KIAA1217: variants seen among roughly 807,000 people sequenced by gnomAD.
The protein encoded by KIAA1217 is sickle tail protein homolog.
Under a neutral mutation model 163.9 loss-of-function variants are expected in KIAA1217, and 88 were observed. The observed-to-expected ratio is 0.54, with a 90% CI of 0.45 to 0.64. KIAA1217 has a LOEUF of 0.64. KIAA1217 is among the 30% of genes least tolerant of loss of function. The pLI is 0.00. For synonymous variants in KIAA1217, 903 were observed against 923.1 expected (o/e 0.98, Z 0.39); for missense variants, 2,372 against 2,475.0 (o/e 0.96, Z 0.88).
chr10:23,753,118 C>T (rs1439744447), intron 1 of KIAA1217, among the ~76,000 whole-genome samples: 1 of 152,134 alleles, frequency 6.6e-6, no homozygotes, highest in Non-Finnish European at 1.5e-5. Context: ...GTATAGAAAG[C>T]ATTCTGTGCC....
intron 2 of KIAA1217, among the ~76,000 whole-genome samples, chr10:24,336,052 C>T (rs1353074851): frequency 6.6e-6 from 1 of 152,168 alleles, no homozygotes; most frequent in African/African-American, 2.4e-5. Context: ...ACCAGCCTGG[C>T]CAACATGGTG....
chr10:24,161,340 A>G (rs1444329277), intron 2 of KIAA1217, among the ~76,000 whole-genome samples: 1 of 152,216 alleles, frequency 6.6e-6, no homozygotes, highest in Non-Finnish European at 1.5e-5. Flanking sequence ...GGTTTCAGGC[A>G]TTGTGGGAAG....
intron 3 of KIAA1217, among the ~76,000 whole-genome samples, chr10:24,387,014 G>A (rs2054103786): frequency 6.6e-6 from 1 of 152,232 alleles, no homozygotes; most frequent in Non-Finnish European, 1.5e-5. Flanking sequence ...ATTCGCAGAA[G>A]GGAGTTTCAT....
chr10:24,337,638 TTCTTTTCTTTTC>T (rs1226502566), intron 2 of KIAA1217, among the ~76,000 whole-genome samples: 11 of 64,472 alleles, frequency 1.7e-4, no homozygotes, highest in East Asian at 6.8e-4. Flanking sequence ...TTCTTTTCTT[TTCTTTTCTTTTC>T]TTTTTTTTTT....
chr10:24,356,091 C>T (rs1240558311), intron 2 of KIAA1217, among the ~76,000 whole-genome samples: 2 of 152,064 alleles, frequency 1.3e-5, no homozygotes, highest in Non-Finnish European at 2.9e-5. Context: ...AGGGTCTCTT[C>T]TCTTTCTTTT....
At chr10:24,452,501 G>A (rs1374528513) in intron 5 of KIAA1217, among the ~76,000 whole-genome samples, 16 of 148,940 alleles carry the variant, frequency 1.1e-4, no homozygotes, top group African/African-American at 3.2e-4. Flanking sequence ...GTGAAACCCC[G>A]TCTCTACTTA....
chr10:24,525,413 C>T (rs1049217673), intron 13 of KIAA1217, among the ~76,000 whole-genome samples: 1 of 152,064 alleles, frequency 6.6e-6, no homozygotes, highest in African/African-American at 2.4e-5. Flanking sequence ...GGAACAAGAA[C>T]GAGGACCTAA....
chr10:23,751,382 T>C (rs1839730300), intron 1 of KIAA1217, among the ~76,000 whole-genome samples: 1 of 152,190 alleles, frequency 6.6e-6, no homozygotes, highest in African/African-American at 2.4e-5. Flanking sequence ...AAATGTGTTG[T>C]CTAGAAAGTT....
At chr10:24,331,945 G>A (rs1056457900) in intron 2 of KIAA1217, among the ~76,000 whole-genome samples, 3 of 152,060 alleles carry the variant, frequency 2.0e-5, no homozygotes, top group Non-Finnish European at 2.9e-5. Flanking sequence ...GATTACAGGC[G>A]CGTGCCACCA....
chr10:23,815,209 C>A (rs1588876704), intron 1 of KIAA1217, among the ~76,000 whole-genome samples: 1 of 151,834 alleles, frequency 6.6e-6, no homozygotes, highest in Admixed American at 6.6e-5. Context: ...TTTGTAACAT[C>A]TTACAGCTAG....
chr10:23,917,861 G>A (rs1456908558), intron 1 of KIAA1217, among the ~76,000 whole-genome samples: 1 of 152,182 alleles, frequency 6.6e-6, no homozygotes, highest in Non-Finnish European at 1.5e-5. Context: ...ATTTAGAGAG[G>A]TATGATCACT....
intron 2 of KIAA1217, among the ~76,000 whole-genome samples, chr10:24,013,757 A>T (rs187215282): frequency 6.6e-6 from 1 of 152,250 alleles, no homozygotes; most frequent in Non-Finnish European, 1.5e-5. Flanking sequence ...AAAGAATGGG[A>T]CGCTGATTCT....
At position 24,524,443 on chromosome 10, in the gene KIAA1217, C is replaced by T. The variant is rs1019400554; in HGVS notation, c.2577C>T (p.Ser859=). 28 of 1,614,096 alleles carry T rather than the reference C, an allele frequency of 1.7e-5. No homozygotes were observed. The East Asian group carries it at 3.1e-4, about 18-fold the overall frequency. The change falls in exon 13 of 21, where the codon TCC becomes TCT. Residue 859 remains serine (S), a synonymous_variant. Coordinates refer to ENST00000376454, the MANE Select transcript of KIAA1217 (RefSeq NM_019590.5). ...LKSQEEAAHT[S]GQPFHSTGAP... Reference sequence around the variant, plus strand: ...GTCAGGAGGAGGCAGCCCACACCTCCGGCCAGCCCTTCCACAGCACAGGTG... The same window carrying T: ...GTCAGGAGGAGGCAGCCCACACCTCTGGCCAGCCCTTCCACAGCACAGGTG...
At chr10:24,333,264 A>G (rs1591044393) in intron 2 of KIAA1217, among the ~76,000 whole-genome samples, 1 of 152,198 alleles carries the variant, frequency 6.6e-6, no homozygotes, top group East Asian at 1.9e-4. Flanking sequence ...ACCTCAAGTG[A>G]TCTGCCCACC....
intron 3 of KIAA1217, among the ~76,000 whole-genome samples, chr10:24,422,617 G>T (rs1352262080): frequency 1.3e-5 from 2 of 152,190 alleles, no homozygotes; most frequent in Non-Finnish European, 2.9e-5. Flanking sequence ...CACAGCACTG[G>T]AAATCAGCAT....
intron 2 of KIAA1217, among the ~76,000 whole-genome samples, chr10:24,268,877 C>T (rs1340320489): frequency 7.1e-6 from 1 of 140,148 alleles, no homozygotes; most frequent in Non-Finnish European, 1.5e-5. Context: ...TACTATGCAG[C>T]CATAAAAAAT....
intron 2 of KIAA1217, among the ~76,000 whole-genome samples, chr10:24,226,608 C>T (rs1286910575): frequency 6.6e-6 from 1 of 151,812 alleles, no homozygotes. Context: ...CACCACTGCA[C>T]TCCAGCCTGG....
In KIAA1217 at chr10:24,543,449, G is replaced by A. The variant is rs772278250; in HGVS notation, c.4179G>A (p.Gln1393=). ...TCATGATTACCGAAACCACTGTCCA[G>A]GTTCTTTCCAGTGGGGAGGTGCATG... The part of the protein sequence containing the change: ...IAFMITETTV[Q]VLSSGEVHDI... The change falls in exon 19 of 21, where the codon CAG becomes CAA. Residue 1393 remains glutamine, a synonymous_variant. Transcript: ENST00000376454. 1 of 1,614,126 alleles carries A rather than the reference G, an allele frequency of 6.2e-7. No homozygotes were observed. The highest frequency in any genetic ancestry group is 1.7e-5 in the Admixed American group (1 of 60,014).
chr10:24,031,674 T>C (rs1848191317), intron 2 of KIAA1217, among the ~76,000 whole-genome samples: 2 of 151,996 alleles, frequency 1.3e-5, no homozygotes, highest in Non-Finnish European at 2.9e-5. Flanking sequence ...CAAAAAGCCA[T>C]TTCTTAATTT....
Sources: gnomAD v4.1 joint callset for allele counts (sites outside exome capture counted in the v4.1 genomes callset) on GRCh38, gnomAD v4.1.1 for gene constraint, MANE v1.5 for transcripts, NCBI Gene and HGNC (gene_info 2026-07-23, HGNC 2026-07-21) for gene names.